Variants in B3GLCT observed in about 807,000 individuals in gnomAD.
The protein encoded by B3GLCT is beta-1,3-glucosyltransferase.
Under a neutral mutation model 63.4 loss-of-function variants are expected in B3GLCT, and 65 were observed. That is an observed-to-expected ratio of 1.03 (90% CI 0.84 to 1.26). The LOEUF is 1.26. Among genes scored for constraint, B3GLCT ranks in the 50% most tolerant of loss-of-function variants. The pLI is 0.00. For missense variants in B3GLCT, 577 were observed against 604.8 expected (o/e 0.95, Z 0.48); for synonymous variants, 233 against 219.2 (o/e 1.06, Z -0.55).
intron 8 of B3GLCT, among the ~76,000 whole-genome samples, chr13:31,272,004 T>C (rs921729809): frequency 6.6e-6 from 1 of 152,192 alleles, no homozygotes; most frequent in African/African-American, 2.4e-5. Flanking sequence ...TGCCTCATAA[T>C]CGTTTTTTGT....
intron 12 of B3GLCT, among the ~76,000 whole-genome samples, chr13:31,294,567 T>G (rs1873838155): frequency 6.6e-6 from 1 of 152,242 alleles, no homozygotes; most frequent in Non-Finnish European, 1.5e-5. Context: ...TGGTCTTCAA[T>G]CCTTGCTATC....
intron 1 of B3GLCT, among the ~76,000 whole-genome samples, chr13:31,201,141 G>A (rs1868645892): frequency 6.6e-6 from 1 of 151,998 alleles, no homozygotes; most frequent in South Asian, 2.1e-4. Context: ...AGACTTGCTG[G>A]TGTGAAAAGG....
At chr13:31,288,295 T>C (rs571259941) in intron 12 of B3GLCT, among the ~76,000 whole-genome samples, 2 of 152,200 alleles carry the variant, frequency 1.3e-5, no homozygotes, top group East Asian at 3.9e-4. Flanking sequence ...CATGGACCTC[T>C]TGGGTCTCAG....
In B3GLCT at chr13:31,317,692, A is replaced by T; in HGVS notation, c.1184+7A>T. On this transcript the variant is annotated splice_region_variant and intron_variant, in intron 13 of 14. Coordinates refer to ENST00000343307, the MANE Select transcript of B3GLCT (RefSeq NM_194318.4). ...ACATCACGGGAGGAGGAGGGTAACT[A>T]TGATCACAGCTTTCTTCAACTACTT... The T allele has an allele frequency of 6.2e-7, 1 of 1,613,880 alleles. No individual in the cohort carries two copies. The highest frequency in any genetic ancestry group is 8.5e-7 in the Non-Finnish European group (1 of 1,179,852).
intron 4 of B3GLCT, among the ~76,000 whole-genome samples, chr13:31,242,578 A>C (rs1277136183): frequency 6.6e-6 from 1 of 152,242 alleles, no homozygotes; most frequent in African/African-American, 2.4e-5. Flanking sequence ...AGCCACAACT[A>C]GGATAAGAAA....
intron 14 of B3GLCT, among the ~76,000 whole-genome samples, 193 bp from the exon 15 acceptor site, chr13:31,329,308 A>C (rs138833736): frequency 7.7e-4 from 118 of 152,370 alleles, no homozygotes; most frequent in African/African-American, 2.6e-3. Flanking sequence ...TATTAAGGTA[A>C]TTGGAGACAC....
At chr13:31,256,979 G>C (rs1871776138) in intron 6 of B3GLCT, among the ~76,000 whole-genome samples, 1 of 151,696 alleles carries the variant, frequency 6.6e-6, no homozygotes. Flanking sequence ...GGTTTTTCTT[G>C]ATTATAATTG....
At chr13:31,236,839 GAATGGGGC>G (rs1350083242) in intron 4 of B3GLCT, among the ~76,000 whole-genome samples, 6 of 152,258 alleles carry the variant, frequency 3.9e-5, no homozygotes, top group East Asian at 1.9e-4. Flanking sequence ...AGAGATCCAT[GAATGGGGC>G]CAAGTATGGT....
chr13:31,258,756 G>A (rs1216129411), intron 6 of B3GLCT, among the ~76,000 whole-genome samples: 1 of 152,126 alleles, frequency 6.6e-6, no homozygotes, highest in African/African-American at 2.4e-5. Flanking sequence ...TTACCATTAT[G>A]TGCCTATGTG....
At chr13:31,253,485 C>G (rs578133263) in intron 6 of B3GLCT, among the ~76,000 whole-genome samples, 1 of 149,714 alleles carries the variant, frequency 6.7e-6, no homozygotes, top group Non-Finnish European at 1.5e-5. Context: ...CCCAGCTACT[C>G]GGGAGGCTGA....
At chr13:31,235,330 T>C (rs1274591233) in intron 4 of B3GLCT, among the ~76,000 whole-genome samples, 1 of 151,898 alleles carries the variant, frequency 6.6e-6, no homozygotes, top group Non-Finnish European at 1.5e-5. Flanking sequence ...CAGAAGATGG[T>C]AGATTTGAGA....
At chr13:31,328,983 C>T (rs1273536542) in intron 14 of B3GLCT, among the ~76,000 whole-genome samples, 2 of 152,270 alleles carry the variant, frequency 1.3e-5, no homozygotes, top group East Asian at 3.9e-4. Flanking sequence ...AGGAAGAGAG[C>T]ATGAGTTACA....
chr13:31,315,874 C>T (rs1454309108), intron 12 of B3GLCT, among the ~76,000 whole-genome samples: 1 of 152,232 alleles, frequency 6.6e-6, no homozygotes, highest in Non-Finnish European at 1.5e-5. Flanking sequence ...CCCTGTGTCC[C>T]AGATGCTCCA....
chr13:31,258,014 G>A (rs1871825719), intron 6 of B3GLCT, among the ~76,000 whole-genome samples: 1 of 152,120 alleles, frequency 6.6e-6, no homozygotes. Context: ...GGTAACAAGT[G>A]CCGTGGAGAA....
rs182051981 is a variant in B3GLCT, at chr13:31,287,338, G to C, written c.1064+519G>C. On this transcript the variant is annotated intron_variant, in intron 12 of 14. Transcript: ENST00000343307. ...GCTGGGGAAAGACCCAACCAGATTAGAGGGAATTGTGCCTGACACTCACAC... is the reference window on the plus strand; with the variant it reads ...GCTGGGGAAAGACCCAACCAGATTACAGGGAATTGTGCCTGACACTCACAC... Among the ~76,000 whole-genome samples, 41 of 152,284 alleles carry C rather than the reference G, an allele frequency of 2.7e-4. No homozygotes were observed. In the East Asian group the frequency reaches 3.9e-3, roughly 14 times the overall value.
At chr13:31,314,585 T>A (rs1874894726) in intron 12 of B3GLCT, among the ~76,000 whole-genome samples, 1 of 152,204 alleles carries the variant, frequency 6.6e-6, no homozygotes, top group South Asian at 2.1e-4. Context: ...ATACCCCCAT[T>A]GTATCTAGGA....
chr13:31,285,367 T>G (rs1873268715), intron 11 of B3GLCT, among the ~76,000 whole-genome samples: 1 of 152,042 alleles, frequency 6.6e-6, no homozygotes, highest in African/African-American at 2.4e-5. Flanking sequence ...CGATAGACAC[T>G]CTTCGGGTGA....
At chr13:31,246,951 C>CTTTTTTTTTTTTTTTTTTTTTTTTTTTTT in intron 4 of B3GLCT, 72 bp from the exon 5 acceptor site, 3 of 778,770 alleles carry the variant, frequency 3.9e-6, no homozygotes, top group Admixed American at 3.0e-5. Flanking sequence ...CTTTTCTTTT[C>CTTTTTTTTTTTTTTTTTTTTTTTTTTTTT]TTTTTTTTTT....
At chr13:31,267,350 ATGAATACT>A (rs1256545605) in intron 7 of B3GLCT, among the ~76,000 whole-genome samples, 1 of 152,226 alleles carries the variant, frequency 6.6e-6, no homozygotes, top group Non-Finnish European at 1.5e-5. Context: ...CCTGAATGAA[ATGAATACT>A]TACTCTTTGT....
Sources: allele counts gnomAD v4.1 joint callset (sites outside exome capture counted in the v4.1 genomes callset), GRCh38; gene constraint gnomAD v4.1.1; transcripts MANE v1.5; gene names NCBI Gene and HGNC (gene_info 2026-07-23, HGNC 2026-07-21).